Variants in BPNT1 observed in about 807,000 individuals in gnomAD.
BPNT1 encodes the protein 3'(2'), 5'-bisphosphate nucleotidase 1.
In BPNT1, 28 loss-of-function variants were observed where a neutral mutation model predicts 36.9. That is an observed-to-expected ratio of 0.76 (90% CI 0.56 to 1.04). The LOEUF (loss-of-function observed/expected upper bound fraction) is 1.04. Ranked by LOEUF, BPNT1 falls within the 50% of genes least tolerant of loss-of-function variation. The pLI, the probability that BPNT1 is intolerant of heterozygous loss-of-function variation, is 0.00. For missense variants in BPNT1, 313 were observed against 372.9 expected (o/e 0.84, Z 1.32); for synonymous variants, 119 against 130.9 (o/e 0.91, Z 0.62).
At chr1:220,071,707 G>A (rs900773207) in intron 4 of BPNT1, among the ~76,000 whole-genome samples, 4 of 151,998 alleles carry the variant, frequency 2.6e-5, no homozygotes, top group Non-Finnish European at 5.9e-5. Flanking sequence ...TTCTTTTTGA[G>A]ACTAAGTTTT....
intron 6 of BPNT1, among the ~76,000 whole-genome samples, chr1:220,066,809 C>G (rs1191878869): frequency 6.6e-6 from 1 of 152,170 alleles, no homozygotes; most frequent in Non-Finnish European, 1.5e-5. Context: ...ACAGCGTTAC[C>G]TGGAAAACAA....
intron 2 of BPNT1, among the ~76,000 whole-genome samples, chr1:220,074,478 AG>A (rs1168951440): frequency 2.6e-5 from 4 of 151,916 alleles, no homozygotes; most frequent in African/African-American, 9.7e-5. Flanking sequence ...GTTGATTCAC[AG>A]GTACAGAGTA....
chr1:220,075,037 ATTTGTTTG>A (rs201611500), intron 2 of BPNT1, among the ~76,000 whole-genome samples: 8 of 152,104 alleles, frequency 5.3e-5, no homozygotes, highest in Middle Eastern at 3.4e-3. Context: ...TCTTAGTAGA[ATTTGTTTG>A]TTTGTTTGTT....
chr1:220,074,124 C>T (rs1664334075), intron 2 of BPNT1, 53 bp from the exon 3 acceptor site: 1 of 1,538,680 alleles, frequency 6.5e-7, no homozygotes, highest in Admixed American at 1.8e-5. Flanking sequence ...AAGTTGTCCT[C>T]TGATTCCTTG....
At chr1:220,075,856 A>G (rs1339703673) in intron 2 of BPNT1, among the ~76,000 whole-genome samples, 1 of 152,138 alleles carries the variant, frequency 6.6e-6, no homozygotes, top group Non-Finnish European at 1.5e-5. Context: ...TTCCCGACTT[A>G]GCATTACATC....
chr1:220,063,564 G>T (rs1028221669), intron 6 of BPNT1, among the ~76,000 whole-genome samples: 1 of 152,030 alleles, frequency 6.6e-6, no homozygotes, highest in African/African-American at 2.4e-5. Flanking sequence ...TGATCTCTTT[G>T]TTGTATTTGA....
chr1:220,068,396 C>A (rs1289887362), intron 5 of BPNT1, among the ~76,000 whole-genome samples: 1 of 151,214 alleles, frequency 6.6e-6, no homozygotes, highest in Non-Finnish European at 1.5e-5. Context: ...GTTGGCCAGG[C>A]TGGTCTTGAA....
chr1:220,084,701 C>G (rs1345792075), intron 1 of BPNT1, among the ~76,000 whole-genome samples: 1 of 152,154 alleles, frequency 6.6e-6, no homozygotes, highest in Non-Finnish European at 1.5e-5. Context: ...TTGTATTTGC[C>G]AAGTCCATGG....
intron 1 of BPNT1, 79 bp from the exon 2 acceptor site, chr1:220,079,933 C>T (rs1571794930): frequency 1.3e-5 from 18 of 1,396,262 alleles, no homozygotes; most frequent in Non-Finnish European, 1.8e-5. Context: ...CAACTCAACA[C>T]ATATTAATTG....
chr1:220,060,584 G>T (rs540150758), intron 7 of BPNT1, among the ~76,000 whole-genome samples: 4 of 152,272 alleles, frequency 2.6e-5, no homozygotes, highest in African/African-American at 9.6e-5. Flanking sequence ...GATCCTAACA[G>T]ATGTGCAATG....
At chr1:220,069,176 G>C (rs918795341) in intron 5 of BPNT1, among the ~76,000 whole-genome samples, 1 of 152,154 alleles carries the variant, frequency 6.6e-6, no homozygotes, top group Non-Finnish European at 1.5e-5. Context: ...TGGAGTATGT[G>C]GGGGGTGGTA....
intron 1 of BPNT1, among the ~76,000 whole-genome samples, chr1:220,083,806 T>C (rs551258358): frequency 1.3e-4 from 20 of 152,304 alleles, no homozygotes; most frequent in African/African-American, 4.8e-4. Flanking sequence ...AACTGAGTTT[T>C]CATCTATGAG....
At chr1:220,073,547 C>T (rs553970557) in intron 3 of BPNT1, among the ~76,000 whole-genome samples, 80 of 152,326 alleles carry the variant, frequency 5.3e-4, no homozygotes, top group African/African-American at 1.9e-3. Context: ...CCGCCTCAGC[C>T]TCCCAAAGTG....
chr1:220,069,414 G>C lies in BPNT1; in HGVS notation c.352C>G (p.Pro118Ala), dbSNP rs1663842345. Residue 118 changes from proline to alanine, a missense_variant, in exon 5 of 9, where the codon CCT (proline) becomes GCT (alanine). By Grantham distance (27) the Pro-to-Ala change is conservative (BLOSUM62 -1). Transcript: ENST00000322067. ...KEEDLVVWVD[P>A]LDGTKEYTEG... The stretch of plus-strand genomic sequence containing the variant: ...GTATATTCCTTGGTTCCATCCAGAG[G>C]ATCAACCCAGACCACGAGCTAAAAT... The C allele has an allele frequency of 4.4e-6, 7 of 1,605,952 alleles. No individual in the cohort carries two copies. The South Asian group carries it at 7.9e-5, about 18-fold the overall frequency.
rs1012382364 is a variant in BPNT1 at position 220,058,198 on chromosome 1, G to T, written c.*646C>A. On this transcript the variant is annotated 3_prime_UTR_variant, in exon 9 of 9. Coordinates refer to ENST00000322067, the MANE Select transcript of BPNT1 (RefSeq NM_006085.6). ...CTCAGGAAAAAAAAAGAGAAATCTG[G>T]TTTAGAAGATAGGAATGTTCATTGA... 3 of 999,112 alleles carry T rather than the reference G, an allele frequency of 3.0e-6. No individual in the cohort carries two copies. In the African/African-American group the frequency reaches 5.2e-5, roughly 17 times the overall value. The allele number at this position is 999,112 out of a possible 1,614,324, so 61.9% of individuals were successfully genotyped here.
At chr1:220,078,553 AT>A in intron 2 of BPNT1, among the ~76,000 whole-genome samples, 1 of 140,872 alleles carries the variant, frequency 7.1e-6, no homozygotes, top group Non-Finnish European at 1.5e-5. Context: ...TTATAATTAT[AT>A]ATAAATATAA....
chr1:220,064,685 A>G (rs925474191), intron 6 of BPNT1, among the ~76,000 whole-genome samples: 3 of 152,206 alleles, frequency 2.0e-5, no homozygotes, highest in African/African-American at 7.2e-5. Context: ...CTGATGGCAT[A>G]TGGGGCAACA....
At chr1:220,071,749 G>A (rs1571762389) in intron 4 of BPNT1, among the ~76,000 whole-genome samples, 2 of 152,060 alleles carry the variant, frequency 1.3e-5, no homozygotes, top group Admixed American at 6.6e-5. Context: ...GTGCAATGGC[G>A]CAATCTCGGC....
intron 7 of BPNT1, among the ~76,000 whole-genome samples, chr1:220,060,843 T>C (rs1159429201): frequency 3.3e-5 from 5 of 152,134 alleles, no homozygotes; most frequent in Non-Finnish European, 5.9e-5. Flanking sequence ...AAGAAATACA[T>C]TGATTTGGTC....
Sources: gnomAD v4.1 joint callset for allele counts (sites outside exome capture counted in the v4.1 genomes callset) on GRCh38, gnomAD v4.1.1 for gene constraint, MANE v1.5 for transcripts, NCBI Gene and HGNC (gene_info 2026-07-23, HGNC 2026-07-21) for gene names.